Variants in UBA2 observed in about 807,000 individuals in gnomAD.
The protein encoded by UBA2 is ubiquitin like modifier activating enzyme 2.
A neutral mutation model predicts 77.2 loss-of-function variants in UBA2; 11 were observed. That is an observed-to-expected ratio of 0.14 (90% CI 0.09 to 0.24). UBA2 has a LOEUF of 0.24. Among genes scored for constraint, UBA2 ranks in the 10% least tolerant of loss-of-function variants. The probability of loss-of-function intolerance (pLI) is 1.00; values close to 1 mark genes in which losing one functional copy is unlikely to be tolerated. For missense variants in UBA2, 487 were observed against 781.7 expected (o/e 0.62, Z 4.50); for synonymous variants, 278 against 276.7 (o/e 1.00, Z -0.05).
intron 12 of UBA2, among the ~76,000 whole-genome samples, chr19:34,456,604 C>T (rs2075565121): frequency 6.6e-6 from 1 of 151,684 alleles, no homozygotes; most frequent in Non-Finnish European, 1.5e-5. Flanking sequence ...GTCACCCAGG[C>T]TAGAGTGCAG....
Position 34,433,431 on chromosome 19 carries a change from T to G in UBA2, c.358+19T>G. ...AACAGAGGTGAGGTTATTTTAATAC[T>G]TTTAATTTCTCAGTATTTCCTCTCT... is the stretch of plus-strand genomic sequence containing the variant. On this transcript the variant is annotated intron_variant, in intron 4 of 16. Coordinates refer to ENST00000246548, the MANE Select transcript of UBA2 (RefSeq NM_005499.3). 1 of 1,491,502 alleles carries G rather than the reference T, an allele frequency of 6.7e-7. No individual in the cohort carries two copies. The highest frequency in any genetic ancestry group is 9.3e-7 in the Non-Finnish European group (1 of 1,074,564). The allele number at this position is 1,491,502 out of a possible 1,614,324, so 92.4% of individuals were successfully genotyped here. A position where few individuals can be genotyped will look rare whatever the true frequency, so the allele number is the denominator to read the frequency against.
chr19:34,457,179 A>AAAAAAAATATATAT (rs1262007864), intron 12 of UBA2, among the ~76,000 whole-genome samples: 1 of 53,224 alleles, frequency 1.9e-5, no homozygotes, highest in African/African-American at 1.2e-4. Flanking sequence ...AAAAAAAAAA[A>AAAAAAAATATATAT]ATATATATAT....
At chr19:34,431,804 C>A (rs2075258886) in intron 2 of UBA2, 57 bp from the exon 3 acceptor site, 1 of 1,483,676 alleles carries the variant, frequency 6.7e-7, no homozygotes, top group Non-Finnish European at 9.4e-7. Flanking sequence ...CTTCCAGAAG[C>A]AGATTTCAGA....
intron 10 of UBA2, among the ~76,000 whole-genome samples, chr19:34,453,783 C>G (rs2075528310): frequency 6.6e-6 from 1 of 152,086 alleles, no homozygotes; most frequent in Admixed American, 6.5e-5. Context: ...TTGCCTCAAC[C>G]TACTAAATTG....
At chr19:34,435,543 G>T (rs1269313121) in intron 5 of UBA2, among the ~76,000 whole-genome samples, 1 of 151,182 alleles carries the variant, frequency 6.6e-6, no homozygotes, top group African/African-American at 2.4e-5. Flanking sequence ...AAATTTCTTT[G>T]TGTCGGCTGC....
chr19:34,449,217 G>A (rs901768766), intron 8 of UBA2, among the ~76,000 whole-genome samples: 7 of 151,744 alleles, frequency 4.6e-5, no homozygotes, highest in African/African-American at 1.7e-4. Flanking sequence ...TTACAGGCAC[G>A]CGCCACGACG....
chr19:34,443,810 T>C, intron 6 of UBA2, 34 bp from the exon 7 acceptor site: 1 of 1,292,930 alleles, frequency 7.7e-7, no homozygotes, highest in Non-Finnish European at 1.1e-6. Flanking sequence ...GAATGCTTTG[T>C]TATACAGAAG....
At chr19:34,454,954 A>G (rs2075542151) in intron 12 of UBA2, among the ~76,000 whole-genome samples, 1 of 152,080 alleles carries the variant, frequency 6.6e-6, no homozygotes, top group Non-Finnish European at 1.5e-5. Flanking sequence ...ATAGTTTTTG[A>G]TAATGTTAAT....
chr19:34,452,005 A>G lies in UBA2; in HGVS notation c.896A>G (p.Gln299Arg). The change falls in exon 10 of 17, where the codon CAA becomes CGA. Residue 299 changes from glutamine (Q) to arginine (R), a missense_variant. Gln to Arg is a conservative substitution (Grantham distance 43). Around this residue, in one of 9 missense-constraint regions of UBA2, gnomAD observed 300 missense variants for 454.3 expected, o/e 0.66. Coordinates refer to ENST00000246548, the MANE Select transcript of UBA2 (RefSeq NM_005499.3). ...GGAGAAGAAACGAATGCATCAGATC[A>G]ACAGAATGAACCCCAGTTAGGCCTG... ...SQGEETNASD[Q>R]QNEPQLGLKD... is the part of the protein sequence containing the mutation. 6.3e-7 allele frequency: 1 copy of G among 1,591,968 alleles called. No individual in the cohort carries two copies. Among genetic ancestry groups the G allele is most frequent in the Non-Finnish European group, 8.6e-7 (1 of 1,169,002 alleles).
intron 14 of UBA2, among the ~76,000 whole-genome samples, chr19:34,461,279 G>A (rs918941532): frequency 6.6e-6 from 1 of 152,058 alleles, no homozygotes; most frequent in South Asian, 2.1e-4. Context: ...ATACCTATTT[G>A]TCCATTGGTC....
chr19:34,453,692 A>G (rs912139651), intron 10 of UBA2, among the ~76,000 whole-genome samples: 42 of 151,640 alleles, frequency 2.8e-4, no homozygotes, highest in African/African-American at 9.2e-4. Context: ...ATGCCTGGCT[A>G]ATTTTTTGTG....
At chr19:34,444,950 T>C (rs753181209) in intron 7 of UBA2, 50 bp from the exon 8 acceptor site, 2 of 1,568,248 alleles carry the variant, frequency 1.3e-6, no homozygotes, top group South Asian at 2.4e-5. Flanking sequence ...TGAAAAGAGT[T>C]CAGTTCTACA....
intron 13 of UBA2, among the ~76,000 whole-genome samples, chr19:34,459,950 AG>A (rs1307625695): frequency 6.6e-6 from 1 of 152,208 alleles, no homozygotes; most frequent in African/African-American, 2.4e-5. Context: ...TTGAGCTTCA[AG>A]GTTATTCCTC....
intron 14 of UBA2, among the ~76,000 whole-genome samples, chr19:34,460,967 AGTGCCCG>A (rs965417885): frequency 6.6e-5 from 10 of 152,226 alleles, no homozygotes; most frequent in African/African-American, 2.4e-4. Flanking sequence ...ATTGAAATTC[AGTGCCCG>A]GTTTTGGCTT....
intron 4 of UBA2, among the ~76,000 whole-genome samples, chr19:34,433,795 CA>C (rs1249905414): frequency 1.3e-5 from 2 of 151,954 alleles, no homozygotes; most frequent in East Asian, 1.9e-4. Context: ...CCGTCTCTAC[CA>C]AAAAACACAA....
chr19:34,444,019 T>G, intron 7 of UBA2, 108 bp downstream of exon 7: 1 of 586,810 alleles, frequency 1.7e-6, no homozygotes, highest in Non-Finnish European at 3.0e-6. Flanking sequence ...CTAGGTAATG[T>G]GTGTTTAACA....
chr19:34,452,547 A>G (rs1361430591), intron 10 of UBA2, among the ~76,000 whole-genome samples: 2 of 152,236 alleles, frequency 1.3e-5, no homozygotes, highest in African/African-American at 2.4e-5. Context: ...AGTTATTACT[A>G]TTTCAGAGGT....
chr19:34,451,537 T>G (rs1031987192), intron 9 of UBA2, among the ~76,000 whole-genome samples: 5 of 26,368 alleles, frequency 1.9e-4, no homozygotes, highest in South Asian at 1.2e-3. Context: ...GGTTTAACAG[T>G]TTTTTTTTTT....
chr19:34,469,010 A>G lies in UBA2; in HGVS notation c.1742-30A>G, dbSNP rs754004933. ...ACAGGTAACTCCCACGCTTTTACCC[A>G]TTTTCTTTTTCCCTTTTTTCTGAAA... On this transcript the variant is annotated intron_variant, in intron 16 of 16. Transcript: ENST00000246548. 6 of 1,573,408 alleles carry G rather than the reference A, an allele frequency of 3.8e-6. No individual in the cohort carries two copies. In the East Asian group the frequency reaches 6.8e-5, roughly 18 times the overall value.
Sources: allele counts gnomAD v4.1 joint callset (sites outside exome capture counted in the v4.1 genomes callset), GRCh38; gene constraint gnomAD v4.1.1; regional missense constraint gnomAD v4.1.1; transcripts MANE v1.5; gene names NCBI Gene and HGNC (gene_info 2026-07-23, HGNC 2026-07-21).